Variants in COL21A1 observed in about 807,000 individuals in gnomAD.
COL21A1 encodes collagen type XXI alpha 1 chain, also known as collagen alpha-1(XXI) chain.
A neutral mutation model predicts 137.9 loss-of-function variants in COL21A1; 149 were observed. That is an observed-to-expected ratio of 1.08 (90% CI 0.95 to 1.24). The LOEUF (loss-of-function observed/expected upper bound fraction) is 1.24, where lower values mean the gene tolerates loss of function less well. Ranked by LOEUF, COL21A1 falls within the 50% of genes most tolerant of loss-of-function variation. The pLI is 0.00. For missense variants in COL21A1, 1,167 were observed against 1,158.4 expected, an observed-to-expected ratio of 1.01 and a Z score of -0.11; for synonymous variants, 456 against 391.5, an observed-to-expected ratio of 1.16 and a Z score of -1.95.
At chr6:56,285,603 G>A (rs1474878160) in intron 1 of COL21A1, among the ~76,000 whole-genome samples, 7 of 152,092 alleles carry the variant, frequency 4.6e-5, no homozygotes, top group Non-Finnish European at 1.0e-4. Flanking sequence ...AAGAAAACAC[G>A]CCCAAAAGAC....
chr6:56,104,790 A>G (rs185628451), intron 16 of COL21A1, among the ~76,000 whole-genome samples: 3 of 152,312 alleles, frequency 2.0e-5, no homozygotes, highest in Admixed American at 2.0e-4. Flanking sequence ...ATTTAACTAA[A>G]ACCAGGCATG....
chr6:56,186,624 A>G (rs1778324233), intron 1 of COL21A1, among the ~76,000 whole-genome samples: 1 of 152,242 alleles, frequency 6.6e-6, no homozygotes, highest in Non-Finnish European at 1.5e-5. Flanking sequence ...AAACAATAGT[A>G]GAACAAAGTG....
At chr6:56,340,801 G>C (rs1311390566) in intron 1 of COL21A1, among the ~76,000 whole-genome samples, 1 of 152,144 alleles carries the variant, frequency 6.6e-6, no homozygotes, top group Non-Finnish European at 1.5e-5. Context: ...AGATTGGGTT[G>C]GATTCCAGTC....
intron 1 of COL21A1, among the ~76,000 whole-genome samples, chr6:56,348,815 A>T (rs1007757820): frequency 6.6e-6 from 1 of 152,224 alleles, no homozygotes; most frequent in African/African-American, 2.4e-5. Context: ...CCAATCCTAT[A>T]TAAGTGGACT....
At chr6:56,082,084 G>T (rs1042976734) in intron 17 of COL21A1, among the ~76,000 whole-genome samples, 1 of 151,826 alleles carries the variant, frequency 6.6e-6, no homozygotes, top group African/African-American at 2.4e-5. Flanking sequence ...ATGTTACGTT[G>T]CAAAAGCATC....
At chr6:56,303,843 A>G (rs4715611) in intron 1 of COL21A1, among the ~76,000 whole-genome samples, 114,837 of 152,076 alleles carry the variant, frequency 0.76, 45,366 homozygotes, top group South Asian at 0.89. Flanking sequence ...GTTTTTGCCC[A>G]TTCAGTATGA....
intron 1 of COL21A1, among the ~76,000 whole-genome samples, chr6:56,244,906 A>G (rs59075341): frequency 2.0e-3 from 311 of 152,324 alleles, no homozygotes; most frequent in African/African-American, 7.3e-3. Context: ...ATCAGTTCCA[A>G]TCAAATAATG....
intron 1 of COL21A1, chr6:56,332,036 A>G (rs1170375248): frequency 6.6e-6 from 1 of 152,312 alleles, no homozygotes; most frequent in African/African-American, 2.4e-5. Context: ...ACCTTCCATT[A>G]TAACACAGAA....
intron 17 of COL21A1, among the ~76,000 whole-genome samples, chr6:56,097,389 T>G (rs1769428897): frequency 1.3e-5 from 2 of 152,100 alleles, no homozygotes; most frequent in Admixed American, 1.3e-4. Flanking sequence ...CTTTTTGAAC[T>G]TGGTAATTTA....
At chr6:56,160,078 C>T (rs555797380) in intron 9 of COL21A1, among the ~76,000 whole-genome samples, 1 of 152,116 alleles carries the variant, frequency 6.6e-6, no homozygotes, top group Non-Finnish European at 1.5e-5. Context: ...TTGATTATTG[C>T]TGTCACTAAG....
chr6:56,098,593 A>T (rs1264493748), intron 17 of COL21A1, among the ~76,000 whole-genome samples: 1 of 29,668 alleles, frequency 3.4e-5, no homozygotes, highest in Non-Finnish European at 5.5e-5. Flanking sequence ...ATAAATATAT[A>T]AATATATATA....
intron 1 of COL21A1, among the ~76,000 whole-genome samples, chr6:56,316,203 A>T (rs1764729517): frequency 6.6e-6 from 1 of 152,226 alleles, no homozygotes; most frequent in Non-Finnish European, 1.5e-5. Flanking sequence ...TCACATTCTT[A>T]ACATTTTTTT....
intron 1 of COL21A1, among the ~76,000 whole-genome samples, chr6:56,382,104 G>A (rs1172081430): frequency 6.6e-6 from 1 of 152,178 alleles, no homozygotes; most frequent in Non-Finnish European, 1.5e-5. Flanking sequence ...GCAGTAAATA[G>A]GTCACGCCTG....
At chr6:56,391,893 A>G (rs1354621448) in intron 1 of COL21A1, among the ~76,000 whole-genome samples, 1 of 152,158 alleles carries the variant, frequency 6.6e-6, no homozygotes, top group Admixed American at 6.5e-5. Context: ...GAAAAGCCCA[A>G]GACCTGATGG....
At chr6:56,125,427 T>A (rs1772970155) in intron 14 of COL21A1, 140 bp downstream of exon 14, 1 of 497,456 alleles carries the variant, frequency 2.0e-6, no homozygotes, top group Non-Finnish European at 3.5e-6. Flanking sequence ...TTTTCTTTTT[T>A]CATTGTTCTG....
chr6:56,079,196 G>A (rs779161144), intron 17 of COL21A1, among the ~76,000 whole-genome samples: 8 of 151,548 alleles, frequency 5.3e-5, no homozygotes, highest in East Asian at 1.9e-4. Context: ...ACTAAAATAC[G>A]TGTGTAAATT....
chr6:56,142,183 T>A (rs1774465855), intron 10 of COL21A1, among the ~76,000 whole-genome samples, 200 bp from the exon 11 acceptor site: 1 of 152,012 alleles, frequency 6.6e-6, no homozygotes, highest in South Asian at 2.1e-4. Flanking sequence ...AAAAAGTATA[T>A]AGGGCCCTAA....
intron 17 of COL21A1, among the ~76,000 whole-genome samples, chr6:56,085,548 C>A (rs1290820041): frequency 6.6e-6 from 1 of 152,026 alleles, no homozygotes; most frequent in Admixed American, 6.6e-5. Flanking sequence ...TGTCAGAATT[C>A]TTTTCTTGTA....
chr6:56,305,840 T>C (rs1472319635), intron 1 of COL21A1, among the ~76,000 whole-genome samples: 1 of 151,784 alleles, frequency 6.6e-6, no homozygotes, highest in African/African-American at 2.4e-5. Flanking sequence ...CGATGGTCTT[T>C]ACAATTTGGC....
Sources: allele counts gnomAD v4.1 joint callset (sites outside exome capture counted in the v4.1 genomes callset), GRCh38; gene constraint gnomAD v4.1.1; transcripts MANE v1.5; gene names NCBI Gene and HGNC (gene_info 2026-07-23, HGNC 2026-07-21).